Variants in SKA3 observed in about 807,000 individuals in gnomAD.
SKA3 encodes spindle and kinetochore-associated protein 3.
In SKA3, 39 loss-of-function variants were observed where a neutral mutation model predicts 44.2. The observed-to-expected ratio is 0.88, with a 90% confidence interval of 0.68 to 1.15. SKA3 has a LOEUF of 1.15. Ranked by LOEUF, SKA3 falls within the 50% of genes most tolerant of loss-of-function variation. The pLI is 0.00. For missense variants in SKA3, 511 were observed against 485.8 expected (o/e 1.05, Z -0.49); for synonymous variants, 192 against 172.0 (o/e 1.12, Z -0.91).
At chr13:21,162,519 C>T (rs1870495509) in intron 4 of SKA3, among the ~76,000 whole-genome samples, 1 of 152,056 alleles carries the variant, frequency 6.6e-6, no homozygotes, top group African/African-American at 2.4e-5. Flanking sequence ...GCATACACCA[C>T]TGCGCCTGGC....
chr13:21,159,033 A>C (rs565208685), intron 6 of SKA3, among the ~76,000 whole-genome samples: 1 of 152,220 alleles, frequency 6.6e-6, no homozygotes, highest in African/African-American at 2.4e-5. Flanking sequence ...TGCACTGTCC[A>C]ATATAGTAGC....
chr13:21,163,980 TCTCGAA>T (rs1325344507), intron 4 of SKA3, among the ~76,000 whole-genome samples: 3 of 152,118 alleles, frequency 2.0e-5, no homozygotes, highest in African/African-American at 7.2e-5. Context: ...GCTAGGCTGG[TCTCGAA>T]CTCCTGACCT....
chr13:21,167,238 G>C (rs1238376793), intron 4 of SKA3, among the ~76,000 whole-genome samples: 2 of 152,042 alleles, frequency 1.3e-5, no homozygotes, highest in Non-Finnish European at 2.9e-5. Context: ...CAGAAACTTG[G>C]GGTTTATCCT....
Position 21,176,444 on chromosome 13 carries a change from G to T in SKA3, c.34C>A (p.Arg12=). The change falls in exon 1 of 9, where the codon CGG becomes AGG. Residue 12 remains arginine, a synonymous_variant. Transcript: ENST00000314759. ...DPIRSFCGKL[R]SLASTLDCET... ...CAGTCCAGCGTGCTGGCCAGAGACCGCAGCTTCCCGCAGAAGCTCCGGATA... is the reference window on the plus strand; with the variant it reads ...CAGTCCAGCGTGCTGGCCAGAGACCTCAGCTTCCCGCAGAAGCTCCGGATA... The T allele has an allele frequency of 6.3e-7, 1 of 1,578,126 alleles. No individual in the cohort carries two copies. The highest frequency in any genetic ancestry group is 1.1e-5 in the South Asian group (1 of 87,002).
Position 21,172,988 on chromosome 13 carries a change from G to A in SKA3, c.104-307C>T, listed in dbSNP as rs1260442952. On this transcript the variant is annotated intron_variant, in intron 1 of 8. Coordinates refer to ENST00000314759, the MANE Select transcript of SKA3 (RefSeq NM_145061.6). ...GTATGCAGTAGGTCATATCATCTAC[G>A]TTTGTGTTACATATGCTCTATGATG... Among the ~76,000 whole-genome samples the A allele has an allele frequency of 5.9e-5, 9 of 152,172 alleles. No homozygotes were observed. In the East Asian group the frequency reaches 1.7e-3, roughly 29 times the overall value.
intron 7 of SKA3, among the ~76,000 whole-genome samples, chr13:21,156,366 T>C (rs1870121148): frequency 6.6e-6 from 1 of 151,916 alleles, no homozygotes; most frequent in Admixed American, 6.6e-5. Context: ...TTAGGGAAAA[T>C]ACACAAAGGA....
In SKA3 at chr13:21,161,806, C is replaced by T; in HGVS notation, c.813G>A (p.Gln271=). Residue 271 remains glutamine, a synonymous_variant, in exon 5 of 9, where the codon CAG becomes CAA. Transcript: ENST00000314759. ...NVFATPSPII[Q]QLEKSDAEYT... ...TATACTTACCACTTTTTTCCAACTG[C>T]TGGATGATGGGGCTGGGAGTGGCAA... The T allele has an allele frequency of 6.2e-7, 1 of 1,611,144 alleles. No homozygotes were observed. The highest frequency in any genetic ancestry group is 8.5e-7 in the Non-Finnish European group (1 of 1,178,230).
At chr13:21,158,961 G>A (rs1870286030) in intron 6 of SKA3, among the ~76,000 whole-genome samples, 1 of 152,102 alleles carries the variant, frequency 6.6e-6, no homozygotes, top group Non-Finnish European at 1.5e-5. Flanking sequence ...TAAATGGCAG[G>A]TACTAACAGG....
intron 3 of SKA3, among the ~76,000 whole-genome samples, chr13:21,171,627 AAC>A (rs1431463435): frequency 2.0e-5 from 3 of 152,142 alleles, no homozygotes; most frequent in Admixed American, 6.6e-5. Context: ...GCATAACAGT[AAC>A]AGTTAATAAT....
intron 3 of SKA3, among the ~76,000 whole-genome samples, chr13:21,171,158 T>TC (rs1388657142): frequency 3.9e-5 from 6 of 152,116 alleles, no homozygotes; most frequent in Non-Finnish European, 8.8e-5. Context: ...CAAGTGATCC[T>TC]CCTGCCTCAA....
At chr13:21,172,831 TTTACCGTACC>T (rs201753750) in intron 1 of SKA3, 150 bp from the exon 2 acceptor site, 126,855 of 518,502 alleles carry the variant, frequency 0.24, 13,849 homozygotes, top group South Asian at 0.33. Context: ...TACCATATTT[TTTACCGTACC>T]TTTTTTATGT....
intron 7 of SKA3, 63 bp downstream of exon 7, chr13:21,157,859 T>C: frequency 1.9e-6 from 2 of 1,063,020 alleles, no homozygotes. Context: ...TTTCAGGTCT[T>C]TAAATATTTC....
chr13:21,154,594 C>T lies in SKA3; in HGVS notation c.*556G>A, dbSNP rs1869992881. ...TGGTTCCAACTGTTGAGACCTGTCT[C>T]TACCTCCAATGGTCACAGTATATAG... On this transcript the variant is annotated 3_prime_UTR_variant, in exon 9 of 9. Transcript: ENST00000314759. 1 of 155,444 alleles carries T rather than the reference C, an allele frequency of 6.4e-6. No homozygotes were observed. The highest frequency in any genetic ancestry group is 6.4e-5 in the Admixed American group (1 of 15,720). 9.6% of individuals were successfully genotyped at this position (155,444 alleles called of 1,614,324 possible).
intron 4 of SKA3, among the ~76,000 whole-genome samples, chr13:21,164,381 G>A (rs543343677): frequency 6.6e-6 from 1 of 152,156 alleles, no homozygotes; most frequent in South Asian, 2.1e-4. Flanking sequence ...TTAAAATAAG[G>A]CTGTAATAAA....
chr13:21,170,929 A>ATGTATGTG (rs1038960833), intron 3 of SKA3, among the ~76,000 whole-genome samples: 4 of 151,562 alleles, frequency 2.6e-5, no homozygotes, highest in Non-Finnish European at 5.9e-5. Flanking sequence ...GTATGTATGT[A>ATGTATGTG]TGTATTTTAT....
chr13:21,166,606 T>C (rs3930249), intron 4 of SKA3, among the ~76,000 whole-genome samples: 138,625 of 152,202 alleles, frequency 0.91, 63,514 homozygotes, highest in East Asian at 1. Context: ...TAGTGGTGTG[T>C]GCCTGCAATT....
chr13:21,176,218 C>A (rs1405799206), intron 1 of SKA3, 157 bp downstream of exon 1: 1 of 593,812 alleles, frequency 1.7e-6, no homozygotes, highest in Admixed American at 3.6e-5. Flanking sequence ...CGCCAAACGC[C>A]GAGCAGTGAG....
chr13:21,168,129 A>C lies in SKA3; in HGVS notation c.602T>G (p.Leu201Arg). 6.2e-7 allele frequency: 1 copy of C among 1,614,210 alleles called. No individual in the cohort carries two copies. Among genetic ancestry groups the C allele is most frequent in the Non-Finnish European group, 8.5e-7 (1 of 1,180,042 alleles). ...TTTTAGTGCACATTTTGGAGTTTTT[A>C]GTACTTTTACTAGTGATTGTTTGGT... is the stretch of plus-strand genomic sequence containing the variant. Reference protein sequence around the residue: ...PPTKQSLVKVLKTPKCALKMD... With the variant: ...PPTKQSLVKVRKTPKCALKMD... The change falls in exon 4 of 9, where the codon CTA (leucine) becomes CGA (arginine). Residue 201 changes from leucine to arginine, a missense_variant. Leu to Arg is a moderately radical substitution (Grantham distance 102). Transcript: ENST00000314759.
At position 21,159,057 on chromosome 13, in the gene SKA3, G is replaced by A. The variant is rs376450000; in HGVS notation, c.915+845C>T. Among the ~76,000 whole-genome samples, 54 of 152,080 alleles carry A rather than the reference G, an allele frequency of 3.6e-4. No homozygotes were observed. The South Asian group carries it at 5.8e-3, about 16-fold the overall frequency. ...CAATATAGTAGCCACAGCCACATGGGGCTCTTTAAATTTTAAGCTAATTAA... is the reference window on the plus strand; with the variant it reads ...CAATATAGTAGCCACAGCCACATGGAGCTCTTTAAATTTTAAGCTAATTAA... On this transcript the variant is annotated intron_variant, in intron 6 of 8. Transcript: ENST00000314759.
Sources: gnomAD v4.1 joint callset for allele counts (sites outside exome capture counted in the v4.1 genomes callset) on GRCh38, gnomAD v4.1.1 for gene constraint, MANE v1.5 for transcripts, NCBI Gene and HGNC (gene_info 2026-07-23, HGNC 2026-07-21) for gene names.